The following CHSY3 variants were observed in gnomAD, a reference collection of about 807,000 sequenced individuals.
CHSY3 encodes the protein N-acetylgalactosaminyl-proteoglycan 3-beta-glucuronosyltransferase 3.
CHSY3 carries 35 observed loss-of-function variants against 67.2 expected under a neutral mutation model. That is an observed-to-expected ratio of 0.52 (90% CI 0.40 to 0.69). The LOEUF is 0.69. CHSY3 is among the 30% of genes least tolerant of loss of function. CHSY3 has a pLI of 0.00. For synonymous variants in CHSY3, 474 were observed against 434.7 expected, an observed-to-expected ratio of 1.09 and a Z score of -1.12; for missense variants, 1,069 against 1,138.5, an observed-to-expected ratio of 0.94 and a Z score of 0.88.
rs547522649 is a variant in CHSY3, at chr5:130,112,651, A to G, written c.1087-71578A>G. 5.3e-5 allele frequency among the ~76,000 whole-genome samples: 8 copies of G among 152,232 alleles called. No homozygotes were observed. In the South Asian group the frequency reaches 1.0e-3, roughly 20 times the overall value. Reference sequence around the variant, plus strand: ...GCCTTGGTGGACATAAATTGTTTCTATTACTCAGAGTCACCTTTGTTTGTT... The same window carrying G: ...GCCTTGGTGGACATAAATTGTTTCTGTTACTCAGAGTCACCTTTGTTTGTT... On this transcript the variant is annotated intron_variant, in intron 2 of 2. Coordinates refer to ENST00000305031, the MANE Select transcript of CHSY3 (RefSeq NM_175856.5).
intron 2 of CHSY3, among the ~76,000 whole-genome samples, chr5:129,929,214 T>A (rs1761217528): frequency 2.6e-5 from 4 of 152,192 alleles, no homozygotes; most frequent in Admixed American, 2.6e-4. Context: ...ACTAGACAGT[T>A]GGAGCTAGAG....
At chr5:129,919,587 C>T (rs1425459312) in intron 2 of CHSY3, among the ~76,000 whole-genome samples, 1 of 152,138 alleles carries the variant, frequency 6.6e-6, no homozygotes, top group Non-Finnish European at 1.5e-5. Context: ...GGGGTTTCCC[C>T]ATGTAAAACC....
intron 1 of CHSY3, among the ~76,000 whole-genome samples, chr5:129,907,171 C>CT (rs2149573827): frequency 6.6e-6 from 1 of 152,316 alleles, no homozygotes; most frequent in South Asian, 2.1e-4. Context: ...ACAGCACCTA[C>CT]TTCTTTCATT....
At chr5:130,181,182 A>G (rs897827515) in intron 2 of CHSY3, among the ~76,000 whole-genome samples, 16 of 152,156 alleles carry the variant, frequency 1.1e-4, no homozygotes, top group Non-Finnish European at 2.1e-4. Context: ...TTTGCCGTGT[A>G]ATGTTCTGGA....
chr5:130,100,334 A>G (rs771862744), intron 2 of CHSY3, among the ~76,000 whole-genome samples: 1 of 146,306 alleles, frequency 6.8e-6, no homozygotes, highest in Non-Finnish European at 1.5e-5. Context: ...ACAGGTGCCC[A>G]CCACCATGCT....
chr5:129,996,762 TAC>T (rs778235697), intron 2 of CHSY3, among the ~76,000 whole-genome samples: 1 of 151,832 alleles, frequency 6.6e-6, no homozygotes, highest in African/African-American at 2.4e-5. Flanking sequence ...CACACACACA[TAC>T]ACACACACAC....
intron 2 of CHSY3, among the ~76,000 whole-genome samples, chr5:129,976,735 A>T (rs982951115): frequency 1.3e-5 from 2 of 151,976 alleles, no homozygotes; most frequent in Non-Finnish European, 2.9e-5. Flanking sequence ...TTTACTCATG[A>T]TGAAGAAAAC....
intron 2 of CHSY3, among the ~76,000 whole-genome samples, chr5:130,068,158 CTAAG>C (rs1157810780): frequency 6.6e-6 from 1 of 152,142 alleles, no homozygotes; most frequent in African/African-American, 2.4e-5. Flanking sequence ...CAGCCAACAA[CTAAG>C]TGTCATTATC....
At chr5:130,079,332 T>C (rs764401405) in intron 2 of CHSY3, among the ~76,000 whole-genome samples, 1 of 152,168 alleles carries the variant, frequency 6.6e-6, no homozygotes, top group African/African-American at 2.4e-5. Flanking sequence ...CTTACAGATG[T>C]ATTTAAATAA....
chr5:130,167,410 G>A (rs915739392), intron 2 of CHSY3, among the ~76,000 whole-genome samples: 3 of 152,100 alleles, frequency 2.0e-5, no homozygotes, highest in Admixed American at 1.3e-4. Context: ...TTTCTAGATT[G>A]TAAAACTGGC....
chr5:129,932,715 G>A lies in CHSY3; in HGVS notation c.1086+24355G>A, dbSNP rs1034007156. On this transcript the variant is annotated intron_variant, in intron 2 of 2. Coordinates refer to ENST00000305031, the MANE Select transcript of CHSY3 (RefSeq NM_175856.5). ...AAGTTCTTATGCTAATTCTGAATTA[G>A]AGTTAAAATATTGACTAATACCCAT... 5.3e-5 allele frequency among the ~76,000 whole-genome samples: 8 copies of A among 152,066 alleles called. No homozygotes were observed. In the Middle Eastern group the frequency reaches 0.024, roughly 453 times the overall value.
intron 2 of CHSY3, among the ~76,000 whole-genome samples, chr5:130,091,854 G>C (rs532512454): frequency 6.6e-6 from 1 of 152,068 alleles, no homozygotes. Flanking sequence ...GGTACCGCAG[G>C]CTTCATAAGG....
At chr5:129,938,538 T>A (rs1761585201) in intron 2 of CHSY3, among the ~76,000 whole-genome samples, 1 of 152,228 alleles carries the variant, frequency 6.6e-6, no homozygotes, top group African/African-American at 2.4e-5. Flanking sequence ...CATATGAGCA[T>A]ATGCGGTTAG....
At position 130,184,395 on chromosome 5, in the gene CHSY3, G is replaced by A. The variant is rs375002697; in HGVS notation, c.1253G>A (p.Arg418His). Residue 418 changes from arginine to histidine, a missense_variant, in exon 3 of 3, where the codon CGC (arginine) becomes CAC (histidine). Coordinates refer to ENST00000305031, the MANE Select transcript of CHSY3 (RefSeq NM_175856.5). ...YMLSRKISEL[R>H]YRTIQLHRES... is the part of the protein sequence containing the mutation. The stretch of plus-strand genomic sequence containing the variant: ...CTCAGCCGCAAAATTTCTGAACTTC[G>A]CTACCGCACCATCCAGCTCCACAGG... 31 of 1,613,642 alleles carry A rather than the reference G, an allele frequency of 1.9e-5. No individual in the cohort carries two copies. Among genetic ancestry groups the A allele is most frequent in the East Asian group, 6.7e-5 (3 of 44,876 alleles).
intron 2 of CHSY3, among the ~76,000 whole-genome samples, chr5:130,045,136 A>T (rs151042829): frequency 9.9e-5 from 15 of 152,186 alleles, no homozygotes; most frequent in African/African-American, 3.4e-4. Flanking sequence ...GAGTACAGAC[A>T]CACACCACCA....
chr5:130,157,436 G>A (rs1769404129), intron 2 of CHSY3, among the ~76,000 whole-genome samples: 1 of 152,220 alleles, frequency 6.6e-6, no homozygotes, highest in Non-Finnish European at 1.5e-5. Context: ...AGTGACCCAA[G>A]CTATCTATAA....
At chr5:129,944,656 A>G (rs1215457490) in intron 2 of CHSY3, among the ~76,000 whole-genome samples, 1 of 152,152 alleles carries the variant, frequency 6.6e-6, no homozygotes, top group Admixed American at 6.5e-5. Flanking sequence ...TATTATTTTG[A>G]ACTGTTGACC....
At chr5:130,074,327 T>C (rs1766183928) in intron 2 of CHSY3, among the ~76,000 whole-genome samples, 1 of 151,852 alleles carries the variant, frequency 6.6e-6, no homozygotes, top group South Asian at 2.1e-4. Flanking sequence ...CGCCTCAGCC[T>C]CCCAATGTGC....
At position 130,034,601 on chromosome 5, in the gene CHSY3, A is replaced by G. The variant is rs1399720393; in HGVS notation, c.1086+126241A>G. ...GTGAACAAAACAGTCAAAATCCTTC[A>G]CTTCATAGAAGTTAGACTCTAAAGA... On this transcript the variant is annotated intron_variant, in intron 2 of 2. Transcript: ENST00000305031. Among the ~76,000 whole-genome samples, 28 of 152,134 alleles carry G rather than the reference A, an allele frequency of 1.8e-4. 1 individual carries two copies. Among genetic ancestry groups the G allele is most frequent in the Admixed American group, 1.8e-3 (28 of 15,248 alleles).
Sources: allele counts gnomAD v4.1 joint callset (sites outside exome capture counted in the v4.1 genomes callset), GRCh38; gene constraint gnomAD v4.1.1; transcripts MANE v1.5; gene names NCBI Gene and HGNC (gene_info 2026-07-23, HGNC 2026-07-21).